Variants in HS6ST3 observed in about 807,000 individuals in gnomAD.
HS6ST3 encodes the protein heparan-sulfate 6-O-sulfotransferase 3.
A neutral mutation model predicts 36.7 loss-of-function variants in HS6ST3; 12 were observed. That is an observed-to-expected ratio of 0.33 (90% CI 0.21 to 0.53). The LOEUF is 0.53. Ranked by LOEUF, HS6ST3 falls within the 20% of genes least tolerant of loss-of-function variation. HS6ST3 has a pLI of 0.95. For missense variants in HS6ST3, 584 were observed against 640.9 expected, an observed-to-expected ratio of 0.91 and a Z score of 0.96; for synonymous variants, 240 against 257.5, an observed-to-expected ratio of 0.93 and a Z score of 0.65.
chr13:96,150,231 T>C (rs994040338), intron 1 of HS6ST3, among the ~76,000 whole-genome samples: 7 of 152,168 alleles, frequency 4.6e-5, no homozygotes, highest in African/African-American at 1.7e-4. Context: ...GAGTCTGGAC[T>C]TTTTATGGGC....
At chr13:96,398,022 T>G (rs2055430824) in intron 1 of HS6ST3, among the ~76,000 whole-genome samples, 2 of 152,194 alleles carry the variant, frequency 1.3e-5, no homozygotes, top group African/African-American at 4.8e-5. Context: ...AAGTTCTGCT[T>G]CTTTGCAGTT....
Position 96,091,189 on chromosome 13 carries a change from G to T in HS6ST3, c.327G>T (p.Glu109Asp). Residue 109 changes from glutamate (E) to aspartate (D), a missense_variant, in exon 1 of 2, where the codon GAG becomes GAT. By Grantham distance (45) the Glu-to-Asp change is conservative. Coordinates refer to ENST00000376705, the MANE Select transcript of HS6ST3 (RefSeq NM_153456.4). ...REGEEEEEEDEPDPEAPENGS... is the reference protein window; with the variant it reads ...REGEEEEEEDDPDPEAPENGS... Reference sequence around the variant, plus strand: ...GGGAGGAAGAGGAGGAGGAAGACGAGCCGGACCCCGAGGCCCCGGAAAACG... The same window carrying T: ...GGGAGGAAGAGGAGGAGGAAGACGATCCGGACCCCGAGGCCCCGGAAAACG... 6.4e-7 allele frequency: 1 copy of T among 1,553,920 alleles called. No individual in the cohort carries two copies. The highest frequency in any genetic ancestry group is 8.7e-7 in the Non-Finnish European group (1 of 1,148,528).
intron 1 of HS6ST3, among the ~76,000 whole-genome samples, chr13:96,446,530 G>C (rs1268965193): frequency 4.6e-5 from 7 of 152,128 alleles, no homozygotes; most frequent in Admixed American, 4.6e-4. Context: ...AGGATCTCTG[G>C]TGTGACCTCC....
intron 1 of HS6ST3, among the ~76,000 whole-genome samples, chr13:96,160,879 A>G (rs1473335095): frequency 6.6e-6 from 1 of 152,158 alleles, no homozygotes; most frequent in East Asian, 1.9e-4. Context: ...TGGCCCTGGG[A>G]GCTTCTCACA....
intron 1 of HS6ST3, among the ~76,000 whole-genome samples, chr13:96,392,276 A>C (rs1193689560): frequency 6.6e-6 from 1 of 152,212 alleles, no homozygotes; most frequent in African/African-American, 2.4e-5. Context: ...AAATAAGACA[A>C]GACTAATTGA....
At chr13:96,472,939 G>C (rs765531063) in intron 1 of HS6ST3, among the ~76,000 whole-genome samples, 1 of 152,096 alleles carries the variant, frequency 6.6e-6, no homozygotes, top group Non-Finnish European at 1.5e-5. Flanking sequence ...GTTATGAGGT[G>C]GTAGCCCTTA....
intron 1 of HS6ST3, among the ~76,000 whole-genome samples, chr13:96,594,895 AGATGTTTATGGTACT>A (rs1480974234): frequency 1.3e-5 from 2 of 152,078 alleles, no homozygotes; most frequent in African/African-American, 4.8e-5. Flanking sequence ...ATTTCTTTTA[AGATGTTTATGGTACT>A]GATGAACTTC....
At chr13:96,431,146 G>A (rs2055613028) in intron 1 of HS6ST3, among the ~76,000 whole-genome samples, 1 of 152,120 alleles carries the variant, frequency 6.6e-6, no homozygotes, top group Non-Finnish European at 1.5e-5. Context: ...GGAGTTTGCA[G>A]TGAGCCGAGA....
chr13:96,584,614 T>C (rs2056354015), intron 1 of HS6ST3, among the ~76,000 whole-genome samples: 1 of 152,216 alleles, frequency 6.6e-6, no homozygotes, highest in Admixed American at 6.5e-5. Flanking sequence ...CAAGCTAACA[T>C]GTCCCAGGTA....
intron 1 of HS6ST3, among the ~76,000 whole-genome samples, chr13:96,266,630 C>T (rs1406698576): frequency 6.6e-6 from 1 of 152,048 alleles, no homozygotes; most frequent in Non-Finnish European, 1.5e-5. Context: ...CACTAATTCC[C>T]ATTTTGACTG....
chr13:96,208,159 C>T (rs1327631340), intron 1 of HS6ST3, among the ~76,000 whole-genome samples: 1 of 152,118 alleles, frequency 6.6e-6, no homozygotes, highest in Non-Finnish European at 1.5e-5. Context: ...GCACCTCCCA[C>T]TCCCTCCATA....
At chr13:96,302,998 A>G (rs1307151749) in intron 1 of HS6ST3, among the ~76,000 whole-genome samples, 2 of 152,186 alleles carry the variant, frequency 1.3e-5, no homozygotes, top group African/African-American at 4.8e-5. Context: ...GGCTATTTTC[A>G]TGCTACAGTG....
At chr13:96,411,740 G>A (rs892656613) in intron 1 of HS6ST3, among the ~76,000 whole-genome samples, 9 of 152,190 alleles carry the variant, frequency 5.9e-5, no homozygotes, top group Non-Finnish European at 5.9e-5. Context: ...ATGAGAAATA[G>A]TAAAGACGTG....
chr13:96,529,097 C>A (rs2056125865), intron 1 of HS6ST3, among the ~76,000 whole-genome samples: 2 of 151,890 alleles, frequency 1.3e-5, no homozygotes, highest in East Asian at 1.9e-4. Flanking sequence ...GCAGACATAA[C>A]CTACATAAAC....
At chr13:96,133,949 T>A (rs1331535203) in intron 1 of HS6ST3, among the ~76,000 whole-genome samples, 1 of 152,062 alleles carries the variant, frequency 6.6e-6, no homozygotes, top group African/African-American at 2.4e-5. Context: ...CCATTTTGAG[T>A]TGATTTTTGT....
intron 1 of HS6ST3, among the ~76,000 whole-genome samples, chr13:96,802,210 C>A (rs79282426): frequency 6.6e-6 from 1 of 152,058 alleles, no homozygotes; most frequent in African/African-American, 2.4e-5. Flanking sequence ...CCATTGTTAA[C>A]GGCCTAGACC....
chr13:96,295,269 A>G (rs2054849412), intron 1 of HS6ST3, among the ~76,000 whole-genome samples: 1 of 152,126 alleles, frequency 6.6e-6, no homozygotes. Flanking sequence ...TTTTCAACAG[A>G]GATAATATTT....
intron 1 of HS6ST3, among the ~76,000 whole-genome samples, chr13:96,543,012 C>A (rs138664553): frequency 2.0e-5 from 3 of 152,296 alleles, no homozygotes; most frequent in East Asian, 3.9e-4. Context: ...AAATAAGATT[C>A]TTTCAGAAAC....
At position 96,458,193 on chromosome 13, in the gene HS6ST3, C is replaced by G. The variant is rs146275432; in HGVS notation, c.707+366624C>G. On this transcript the variant is annotated intron_variant, in intron 1 of 1. Transcript: ENST00000376705. ...TCATTCCAAAAGCATTTACTAAGTC[C>G]TATGCTCAAGGGTAATGGTTGAAAA... 3.3e-3 allele frequency among the ~76,000 whole-genome samples: 496 copies of G among 152,108 alleles called. 2 individuals are homozygous for G. Among genetic ancestry groups the G allele is most frequent in the African/African-American group, 0.011 (458 of 41,506 alleles).
Sources: gnomAD v4.1 joint callset for allele counts (sites outside exome capture counted in the v4.1 genomes callset) on GRCh38, gnomAD v4.1.1 for gene constraint, MANE v1.5 for transcripts, NCBI Gene and HGNC (gene_info 2026-07-23, HGNC 2026-07-21) for gene names.